The following TSC2 variants were observed in gnomAD, a reference collection of about 807,000 sequenced individuals.
The protein encoded by TSC2 is TSC complex subunit 2.
In TSC2, 29 loss-of-function variants were observed where a neutral mutation model predicts 202.2. That is an observed-to-expected ratio of 0.14 (90% CI 0.11 to 0.20). The LOEUF (loss-of-function observed/expected upper bound fraction) is 0.20, where lower values mean the gene tolerates loss of function less well. Among genes scored for constraint, TSC2 ranks in the 10% least tolerant of loss-of-function variants. The probability of loss-of-function intolerance (pLI) is 1.00; values close to 1 mark genes in which losing one functional copy is unlikely to be tolerated. For synonymous variants in TSC2, 1,349 were observed against 1,044.0 expected, an observed-to-expected ratio of 1.29 and a Z score of -5.63; for missense variants, 2,429 against 2,420.0, an observed-to-expected ratio of 1.00 and a Z score of -0.08.
chr16:2,061,418 C>T (rs113903353), intron 11 of TSC2: 3 of 317,150 alleles, frequency 9.5e-6, no homozygotes, highest in Non-Finnish European at 1.2e-5. Context: ...TGCCCCCGAC[C>T]GCTGGTGGCA....
At position 2,072,952 on chromosome 16, in the gene TSC2, C is replaced by T. The variant is rs2088701360; in HGVS notation, c.2324C>T (p.Ser775Phe). ...AVVPVLTALI[S>F]YHNYLDKTKQ... ...GTTCCAGTGCTGACAGCATTAATCTCTTACCATAACTACCTGGACAAAACC... is the reference window on the plus strand; with the variant it reads ...GTTCCAGTGCTGACAGCATTAATCTTTTACCATAACTACCTGGACAAAACC... Residue 775 changes from serine to phenylalanine, a missense_variant, in exon 21 of 42, where the codon TCT (serine) becomes TTT (phenylalanine). By Grantham distance (155) the Ser-to-Phe change is radical. Transcript: ENST00000219476. 1.2e-6 allele frequency: 2 copies of T among 1,613,618 alleles called. No individual in the cohort carries two copies. The highest frequency in any genetic ancestry group is 1.7e-6 in the Non-Finnish European group (2 of 1,180,044).
intron 21 of TSC2, among the ~76,000 whole-genome samples, chr16:2,073,406 C>T (rs576415299): frequency 6.6e-5 from 10 of 152,364 alleles, no homozygotes; most frequent in South Asian, 6.2e-4. Context: ...CGATCTGCCT[C>T]GCCCCCGTCC....
At chr16:2,059,738 C>A (rs1317157391) in intron 10 of TSC2, among the ~76,000 whole-genome samples, 1 of 151,966 alleles carries the variant, frequency 6.6e-6, no homozygotes, top group East Asian at 1.9e-4. Flanking sequence ...AGGCTGGTCT[C>A]AAACTCCCGA....
At position 2,079,499 on chromosome 16, in the gene TSC2, G is replaced by GGA; in HGVS notation, c.3285-58_3285-57insGA. ...GCTGTCCCGAGCCCAGGCCCACGTGGCACCCTCGTACCAGCCTGGGGACTA... is the reference window on the plus strand; with the variant it reads ...GCTGTCCCGAGCCCAGGCCCACGTGGGACACCCTCGTACCAGCCTGGGGACTA... On this transcript the variant is annotated intron_variant, in intron 28 of 41. Coordinates refer to ENST00000219476, the MANE Select transcript of TSC2 (RefSeq NM_000548.5). The surrounding 1 kb of genome is among the most constrained non-coding windows in gnomAD (Gnocchi z 4.6). 1.2e-6 allele frequency: 2 copies of GGA among 1,607,286 alleles called. No individual in the cohort carries two copies. Among genetic ancestry groups the GGA allele is most frequent in the Non-Finnish European group, 1.7e-6 (2 of 1,177,470 alleles).
chr16:2,087,745 C>T (rs2091021440), intron 38 of TSC2, 118 bp from the exon 39 acceptor site: 1 of 1,290,988 alleles, frequency 7.7e-7, no homozygotes, highest in Non-Finnish European at 1.1e-6. Context: ...GGGGAAAGTT[C>T]AGGGGCAGAT....
rs2091252371 is a variant in TSC2, at chr16:2,088,771, G to A, written c.*161G>A. 6 of 1,018,410 alleles carry A rather than the reference G, an allele frequency of 5.9e-6. No individual in the cohort carries two copies. Among genetic ancestry groups the A allele is most frequent in the Admixed American group, 2.6e-5 (1 of 38,104 alleles). The allele number at this position is 1,018,410 out of a possible 1,614,324, so 63.1% of individuals were successfully genotyped here. A position where few individuals can be genotyped will look rare whatever the true frequency, so the allele number is the denominator to read the frequency against. On this transcript the variant is annotated 3_prime_UTR_variant, in exon 42 of 42. Transcript: ENST00000219476. Reference sequence around the variant, plus strand: ...GGTGCGGGGGTTGGGGGGGTGTCGAGGCTCTAGAAGCGGCCATGCCCACAG... The same window carrying A: ...GGTGCGGGGGTTGGGGGGGTGTCGAAGCTCTAGAAGCGGCCATGCCCACAG...
At position 2,088,212 on chromosome 16, in the gene TSC2, T is replaced by C. The variant is rs397515279; in HGVS notation, c.5161-15T>C. On this transcript the variant is annotated splice_polypyrimidine_tract_variant and intron_variant, in intron 40 of 41. Transcript: ENST00000219476. ...GCCACCTGATAGTGAGCTCACCCCC[T>C]GCCTACGTCCCCAGATGGCCTCACA... The C allele has an allele frequency of 1.9e-6, 3 of 1,613,066 alleles. No homozygotes were observed. Among genetic ancestry groups the C allele is most frequent in the African/African-American group, 2.7e-5 (2 of 75,028 alleles).
chr16:2,087,810 C>T (rs369864931), intron 38 of TSC2, 53 bp from the exon 39 acceptor site: 4 of 1,598,420 alleles, frequency 2.5e-6, no homozygotes, highest in Non-Finnish European at 3.4e-6. Context: ...TAGCCGAGAT[C>T]AGCCTTCAGC....
chr16:2,076,245 G>A (rs779419345), intron 24 of TSC2, 75 bp downstream of exon 24: 7 of 1,600,480 alleles, frequency 4.4e-6, no homozygotes, highest in Non-Finnish European at 5.1e-6. Context: ...TCCATGGTCG[G>A]GCAGAGTGAC....
Position 2,057,113 on chromosome 16 carries a change from G to T in TSC2, c.783G>T (p.Arg261=), listed in dbSNP as rs1260679411. 6.4e-7 allele frequency: 1 copy of T among 1,551,460 alleles called. No homozygotes were observed. Among genetic ancestry groups the T allele is most frequent in the Admixed American group, 2.0e-5 (1 of 51,010 alleles). ...CGCATTGTGTCTCGCAGCTGATGCG[G>T]AACCTCCTTGGCACCCACCTGGGCC... is the stretch of plus-strand genomic sequence containing the variant. ...ELCEPCWKLM[R]NLLGTHLGHS... is the part of the protein sequence containing the mutation. Residue 261 remains arginine, a synonymous_variant, in exon 9 of 42, where the codon CGG becomes CGT. Transcript: ENST00000219476.
At chr16:2,062,940 C>T (rs45517166) in intron 13 of TSC2, 32 bp from the exon 14 acceptor site, 2 of 1,545,804 alleles carry the variant, frequency 1.3e-6, no homozygotes, top group Non-Finnish European at 8.7e-7. Flanking sequence ...CCGGGCACTC[C>T]CCACCCGCCC....
intron 12 of TSC2, 59 bp from the exon 13 acceptor site, chr16:2,062,438 G>T: frequency 6.7e-7 from 1 of 1,497,804 alleles, no homozygotes; most frequent in Non-Finnish European, 9.1e-7. Context: ...CAGCAGCCCA[G>T]TGTGGAGAAG....
chr16:2,060,860 G>T, intron 11 of TSC2, 47 bp downstream of exon 11: 2 of 1,606,514 alleles, frequency 1.2e-6, no homozygotes, highest in Non-Finnish European at 1.7e-6. Flanking sequence ...ACCCAGACAG[G>T]CAGGCTCGGC....
chr16:2,071,294 G>T (rs543522273), intron 17 of TSC2: 2 of 620,438 alleles, frequency 3.2e-6, no homozygotes, highest in East Asian at 5.6e-5. Flanking sequence ...GGCTCTGTGA[G>T]CTCCGAGGCA....
At chr16:2,076,012 C>A (rs2151384661) in intron 23 of TSC2, 56 bp from the exon 24 acceptor site, 1 of 1,613,144 alleles carries the variant, frequency 6.2e-7, no homozygotes, top group Non-Finnish European at 8.5e-7. Context: ...GCACTTCATG[C>A]CCTGGGGATG....
At chr16:2,087,249 A>T (rs1205525157) in intron 38 of TSC2, 7 of 365,288 alleles carry the variant, frequency 1.9e-5, no homozygotes, top group African/African-American at 4.2e-5. Context: ...AACCAGCGTC[A>T]CCCTCTTCCT....
chr16:2,065,974 T>A (rs573559960), intron 16 of TSC2, among the ~76,000 whole-genome samples: 5 of 152,320 alleles, frequency 3.3e-5, no homozygotes, highest in Admixed American at 6.5e-5. Context: ...GCAGTCCGTT[T>A]AATATTTGCA....
chr16:2,080,696 G>A (rs551459578), intron 30 of TSC2: 68 of 347,486 alleles, frequency 2.0e-4, no homozygotes, highest in African/African-American at 9.7e-4. Flanking sequence ...GTGTTAGCCA[G>A]GATGGTCTCA....
chr16:2,049,035 A>T (rs904406809), intron 2 of TSC2, among the ~76,000 whole-genome samples: 8 of 152,168 alleles, frequency 5.3e-5, no homozygotes, highest in Non-Finnish European at 1.2e-4. Flanking sequence ...AGGTAAGGAT[A>T]TGTCCAGGTG....
Sources: allele counts gnomAD v4.1 joint callset (sites outside exome capture counted in the v4.1 genomes callset), GRCh38; gene constraint gnomAD v4.1.1; non-coding constraint Gnocchi (gnomAD v3.1); transcripts MANE v1.5; gene names NCBI Gene and HGNC (gene_info 2026-07-23, HGNC 2026-07-21).